IKZF1: variants seen among roughly 807,000 people sequenced by gnomAD.
The protein encoded by IKZF1 is DNA-binding protein Ikaros.
In IKZF1, 10 loss-of-function variants were observed where a neutral mutation model predicts 51.7. The ratio of observed to expected loss-of-function variants is 0.19; its 90% CI spans 0.12 to 0.33. IKZF1 has a LOEUF of 0.33. Among genes scored for constraint, IKZF1 ranks in the 10% least tolerant of loss-of-function variants. The pLI is 1.00. For missense variants in IKZF1, 484 were observed against 707.5 expected (o/e 0.68, Z 3.58); for synonymous variants, 280 against 282.3 (o/e 0.99, Z 0.08).
At chr7:50,355,134 A>G (rs141299359) in intron 3 of IKZF1, among the ~76,000 whole-genome samples, 18 of 152,188 alleles carry the variant, frequency 1.2e-4, no homozygotes, top group African/African-American at 4.1e-4. Context: ...AAATCTTGAG[A>G]AGCCTCCTCC....
intron 2 of IKZF1, among the ~76,000 whole-genome samples, chr7:50,325,708 G>A (rs62447196): frequency 0.016 from 2,482 of 151,952 alleles, 15 homozygotes; most frequent in Non-Finnish European, 0.023. Flanking sequence ...CTGGGAGGCC[G>A]AGCTTGCAGT....
At chr7:50,363,605 A>G (rs1367791012) in intron 3 of IKZF1, among the ~76,000 whole-genome samples, 1 of 152,226 alleles carries the variant, frequency 6.6e-6, no homozygotes, top group East Asian at 1.9e-4. Context: ...AGACCGGAGC[A>G]ACAATACCTT....
Position 50,400,092 on chromosome 7 carries a change from C to A in IKZF1, c.1025C>A (p.Pro342Gln), listed in dbSNP as rs768183030. The A allele has an allele frequency of 6.4e-7, 1 of 1,570,446 alleles. No homozygotes were observed. Among genetic ancestry groups the A allele is most frequent in the African/African-American group, 1.4e-5 (1 of 73,586 alleles). ...QTPPGGSEVV[P>Q]VISPMYQLHK... ...CCCCCGGGCGGTTCCGAGGTGGTCC[C>A]GGTCATCAGCCCGATGTACCAGCTG... Residue 342 changes from proline (P) to glutamine (Q), a missense_variant, in exon 8 of 8, where the codon CCG (proline) becomes CAG (glutamine). By Grantham distance (76) the Pro-to-Gln change is moderately conservative (BLOSUM62 -1). Coordinates refer to ENST00000331340, the MANE Select transcript of IKZF1 (RefSeq NM_006060.6). This position sits in a 1 kb window ranked among gnomAD's most constrained non-coding sequence, Gnocchi z 5.4.
intron 1 of IKZF1, among the ~76,000 whole-genome samples, chr7:50,311,989 CTG>C (rs1433403536): frequency 6.6e-6 from 1 of 152,140 alleles, no homozygotes; most frequent in African/African-American, 2.4e-5. Flanking sequence ...TGGGGCATGT[CTG>C]TGTGGACCCT....
chr7:50,366,370 T>G (rs534295352), intron 3 of IKZF1, among the ~76,000 whole-genome samples: 2 of 152,320 alleles, frequency 1.3e-5, no homozygotes, highest in African/African-American at 4.8e-5. Context: ...GGCTTACACT[T>G]TGATGCCCAA....
At chr7:50,303,648 T>C (rs544161869), upstream of IKZF1, among the ~76,000 whole-genome samples, 4 of 152,130 alleles carry the variant, frequency 2.6e-5, no homozygotes, top group South Asian at 8.3e-4. This position sits in a 1 kb window ranked among gnomAD's most constrained non-coding sequence, Gnocchi z 4.7. Context: ...GGCCGGAGCC[T>C]GAACCCGGGA....
chr7:50,319,598 G>A (rs34181857), intron 2 of IKZF1, among the ~76,000 whole-genome samples: 3,696 of 152,242 alleles, frequency 0.024, 64 homozygotes, highest in East Asian at 0.042. Context: ...GTCTGTAGTA[G>A]GAAAAGCCTA....
At chr7:50,337,966 C>T (rs1387746289) in intron 3 of IKZF1, among the ~76,000 whole-genome samples, 1 of 152,170 alleles carries the variant, frequency 6.6e-6, no homozygotes, top group Non-Finnish European at 1.5e-5. Flanking sequence ...CATTCGTCCT[C>T]ACTTCCTTCA....
At chr7:50,319,654 C>CGGCG (rs2153365211) in intron 2 of IKZF1, among the ~76,000 whole-genome samples, 1 of 152,248 alleles carries the variant, frequency 6.6e-6, no homozygotes, top group East Asian at 1.9e-4. Context: ...TGAGGGTGGA[C>CGGCG]GGCGAGCCAG....
Position 50,403,837 on chromosome 7 carries a change from T to G in IKZF1, c.*3210T>G. On this transcript the variant is annotated 3_prime_UTR_variant, in exon 8 of 8. Transcript: ENST00000331340. ...GCTTTTTTCTTGTTTTGTTTTGTTT[T>G]GACTGCACTGTGAGTTTTGTAGTGT... 4.5e-6 allele frequency: 1 copy of G among 222,810 alleles called. No individual in the cohort carries two copies. Among genetic ancestry groups the G allele is most frequent in the East Asian group, 6.5e-5 (1 of 15,366 alleles). The allele number at this position is 222,810 out of a possible 1,614,324, so 13.8% of individuals were successfully genotyped here. A position where few individuals can be genotyped will look rare whatever the true frequency, so the allele number is the denominator to read the frequency against.
At chr7:50,323,776 T>C (rs1265886106) in intron 2 of IKZF1, among the ~76,000 whole-genome samples, 4 of 152,236 alleles carry the variant, frequency 2.6e-5, no homozygotes, top group African/African-American at 7.2e-5. Context: ...ATATATACCT[T>C]ATGTTTCTAT....
chr7:50,353,739 G>A (rs1802489292), intron 3 of IKZF1, among the ~76,000 whole-genome samples: 1 of 152,220 alleles, frequency 6.6e-6, no homozygotes. Context: ...ATCTCTAGAT[G>A]TACTAGTCAC....
intron 3 of IKZF1, among the ~76,000 whole-genome samples, chr7:50,349,024 C>G (rs766054563): frequency 6.6e-6 from 1 of 152,184 alleles, no homozygotes; most frequent in Non-Finnish European, 1.5e-5. Flanking sequence ...GTCATGGGGT[C>G]AGCCAGTTTA....
At chr7:50,326,425 A>G (rs183239536) in intron 2 of IKZF1, among the ~76,000 whole-genome samples, 13 of 152,308 alleles carry the variant, frequency 8.5e-5, no homozygotes, top group African/African-American at 2.9e-4. Flanking sequence ...GCTATACTGC[A>G]TAAGTTCACA....
chr7:50,400,557 A>T lies in IKZF1; in HGVS notation c.1490A>T (p.Tyr497Phe). Residue 497 changes from tyrosine (Y) to phenylalanine (F), a missense_variant, in exon 8 of 8, where the codon TAC becomes TTC. Tyr to Phe is a conservative substitution (Grantham distance 22, BLOSUM62 3). This residue lies in a region of IKZF1 where 42 missense variants were observed against 84.4 expected (regional missense o/e 0.50). Transcript: ENST00000331340. This position sits in a 1 kb window ranked among gnomAD's most constrained non-coding sequence, Gnocchi z 5.4. The stretch of plus-strand genomic sequence containing the variant: ...CCTTTTGAGTGCAACATGTGCGGCT[A>T]CCACAGCCAGGACCGGTACGAGTTC... ...RDPFECNMCG[Y>F]HSQDRYEFSS... is the part of the protein sequence containing the mutation. 1 of 1,613,950 alleles carries T rather than the reference A, an allele frequency of 6.2e-7. No homozygotes were observed. The highest frequency in any genetic ancestry group is 8.5e-7 in the Non-Finnish European group (1 of 1,179,932).
chr7:50,400,288 G>C lies in IKZF1; in HGVS notation c.1221G>C (p.Gln407His), dbSNP rs546746874. Residue 407 changes from glutamine to histidine, a missense_variant, in exon 8 of 8, where the codon CAG becomes CAC. By Grantham distance (24) the Gln-to-His change is conservative. Transcript: ENST00000331340. The surrounding 1 kb of genome is among the most constrained non-coding windows in gnomAD (Gnocchi z 5.4). ...ACACCGAGAGCAACAACGAGGAGCAGCGCAGCGGTCTCATCTACCTGACCA... is the reference window on the plus strand; with the variant it reads ...ACACCGAGAGCAACAACGAGGAGCACCGCAGCGGTCTCATCTACCTGACCA... ...STDTESNNEE[Q>H]RSGLIYLTNH... is the part of the protein sequence containing the mutation. 1 of 1,612,910 alleles carries C rather than the reference G, an allele frequency of 6.2e-7. No homozygotes were observed. Among genetic ancestry groups the C allele is most frequent in the African/African-American group, 1.3e-5 (1 of 75,026 alleles).
intron 3 of IKZF1, chr7:50,368,452 T>C: frequency 1.6e-6 from 1 of 609,356 alleles, no homozygotes; most frequent in Non-Finnish European, 2.9e-6. Context: ...AGATAATTTT[T>C]ACAATTTTGT....
Position 50,400,963 on chromosome 7 carries a change from G to C in IKZF1, c.*336G>C. ...TAGTCTAAATTTTCAGAGAGAAATA[G>C]ATAAAACACGCCACAGCCTGGGAAG... On this transcript the variant is annotated 3_prime_UTR_variant, in exon 8 of 8. Coordinates refer to ENST00000331340, the MANE Select transcript of IKZF1 (RefSeq NM_006060.6). The surrounding 1 kb of genome is among the most constrained non-coding windows in gnomAD (Gnocchi z 5.4). 2.4e-6 allele frequency: 1 copy of C among 420,674 alleles called. No individual in the cohort carries two copies. Among genetic ancestry groups the C allele is most frequent in the Non-Finnish European group, 4.3e-6 (1 of 231,398 alleles). The allele number at this position is 420,674 out of a possible 1,614,324, so 26.1% of individuals were successfully genotyped here. A position where few individuals can be genotyped will look rare whatever the true frequency, so the allele number is the denominator to read the frequency against.
At position 50,304,878 on chromosome 7, in the gene IKZF1, A is replaced by C. The variant is rs6975767; in HGVS notation, c.-59A>C. Reference sequence around the variant, plus strand: ...CCCCGGCTCCGAGGTTGCTCTTCGCACCCGAGGATCAGTCTTGGCCCCAAA... The same window carrying C: ...CCCCGGCTCCGAGGTTGCTCTTCGCCCCCGAGGATCAGTCTTGGCCCCAAA... On this transcript the variant is annotated 5_prime_UTR_variant, in exon 1 of 8. Coordinates refer to ENST00000331340, the MANE Select transcript of IKZF1 (RefSeq NM_006060.6). The C allele has an allele frequency of 0.3, 45,453 of 152,420 alleles. 7,588 individuals are homozygous for C. The highest frequency in any genetic ancestry group is 0.38 in the South Asian group (1,839 of 4,824). The allele number at this position is 152,420 out of a possible 1,614,324, so 9.4% of individuals were successfully genotyped here. A position where few individuals can be genotyped will look rare whatever the true frequency, so the allele number is the denominator to read the frequency against.
Sources: allele counts gnomAD v4.1 joint callset (sites outside exome capture counted in the v4.1 genomes callset), GRCh38; gene constraint gnomAD v4.1.1; regional missense constraint gnomAD v4.1.1; non-coding constraint Gnocchi (gnomAD v3.1); transcripts MANE v1.5; gene names NCBI Gene and HGNC (gene_info 2026-07-23, HGNC 2026-07-21).